Variants in TMEM232 observed in about 807,000 individuals in gnomAD.
The protein encoded by TMEM232 is transmembrane protein 232.
In TMEM232, 80 loss-of-function variants were observed where a neutral mutation model predicts 78.8. That is an observed-to-expected ratio of 1.01 (90% CI 0.85 to 1.22). The LOEUF is 1.22. TMEM232 is among the 50% of genes most tolerant of loss of function. The pLI is 0.00. For synonymous variants in TMEM232, 297 were observed against 254.3 expected (o/e 1.17, Z -1.60); for missense variants, 881 against 742.2 (o/e 1.19, Z -2.17).
intron 8 of TMEM232, 67 bp downstream of exon 8, chr5:110,618,362 G>C: frequency 1.3e-6 from 2 of 1,526,788 alleles, no homozygotes; most frequent in Non-Finnish European, 1.8e-6. Flanking sequence ...TAGGTACAAG[G>C]GTTATTTAAC....
chr5:110,481,594 C>G (rs995453600), intron 12 of TMEM232, among the ~76,000 whole-genome samples: 1 of 152,088 alleles, frequency 6.6e-6, no homozygotes, highest in Non-Finnish European at 1.5e-5. Flanking sequence ...ATTAAATGCT[C>G]ATCATGTGCA....
chr5:110,693,499 C>T (rs774721880), intron 1 of TMEM232, among the ~76,000 whole-genome samples: 14 of 152,120 alleles, frequency 9.2e-5, no homozygotes, highest in Non-Finnish European at 1.6e-4. Context: ...GAAGATCAAA[C>T]TACTCTGAGC....
intron 2 of TMEM232, among the ~76,000 whole-genome samples, chr5:110,662,950 A>T (rs1206870856): frequency 6.6e-6 from 1 of 152,124 alleles, no homozygotes; most frequent in African/African-American, 2.4e-5. Flanking sequence ...AAAAAGGCTA[A>T]TCATAAAAGA....
At chr5:110,594,824 G>C (rs1368406131) in intron 10 of TMEM232, among the ~76,000 whole-genome samples, 1 of 152,216 alleles carries the variant, frequency 6.6e-6, no homozygotes, top group Non-Finnish European at 1.5e-5. Flanking sequence ...CCCTGGGACA[G>C]AAAGGGTAGC....
At chr5:110,562,852 G>A (rs1405117502) in intron 11 of TMEM232, among the ~76,000 whole-genome samples, 3 of 151,850 alleles carry the variant, frequency 2.0e-5, no homozygotes, top group Admixed American at 6.6e-5. Context: ...TAAATTAAGT[G>A]ATTTTTTCAA....
At chr5:110,516,915 T>C (rs1018645893) in intron 12 of TMEM232, among the ~76,000 whole-genome samples, 3 of 152,204 alleles carry the variant, frequency 2.0e-5, no homozygotes, top group African/African-American at 4.8e-5. Flanking sequence ...TCCTCCTTTC[T>C]AGAAAATTTT....
chr5:110,470,798 C>A (rs985148438), intron 12 of TMEM232, among the ~76,000 whole-genome samples: 5 of 152,108 alleles, frequency 3.3e-5, no homozygotes, highest in Non-Finnish European at 5.9e-5. Flanking sequence ...ACCAGATGCA[C>A]AGACATCAAC....
intron 1 of TMEM232, among the ~76,000 whole-genome samples, chr5:110,676,848 T>A (rs1792093321): frequency 6.6e-6 from 1 of 151,972 alleles, no homozygotes; most frequent in African/African-American, 2.4e-5. Context: ...AACCTCCACC[T>A]CCCCGGTTCG....
chr5:110,453,133 T>C (rs903424184), intron 12 of TMEM232, among the ~76,000 whole-genome samples: 1 of 152,118 alleles, frequency 6.6e-6, no homozygotes, highest in Non-Finnish European at 1.5e-5. Flanking sequence ...AAAGAGAATG[T>C]TTATCTTAGA....
At chr5:110,521,982 C>T (rs970526235) in intron 12 of TMEM232, among the ~76,000 whole-genome samples, 1 of 152,054 alleles carries the variant, frequency 6.6e-6, no homozygotes, top group Admixed American at 6.6e-5. Flanking sequence ...ATTGTTATTT[C>T]TATTTATTTA....
At chr5:110,600,230 C>T (rs546188655) in intron 10 of TMEM232, among the ~76,000 whole-genome samples, 1 of 152,020 alleles carries the variant, frequency 6.6e-6, no homozygotes, top group Non-Finnish European at 1.5e-5. Flanking sequence ...AAAATCAACA[C>T]CCTAACATCA....
chr5:110,590,762 A>C (rs540633270), intron 10 of TMEM232, among the ~76,000 whole-genome samples: 31 of 152,332 alleles, frequency 2.0e-4, no homozygotes, highest in Admixed American at 2.0e-3. Context: ...GTTTTAATTG[A>C]CTTACAGTTC....
intron 12 of TMEM232, among the ~76,000 whole-genome samples, chr5:110,504,055 T>C (rs1297233894): frequency 6.6e-6 from 1 of 152,204 alleles, no homozygotes; most frequent in Non-Finnish European, 1.5e-5. Context: ...ATCAGCTAAT[T>C]TGTAAGCATG....
chr5:110,461,897 T>A (rs1372092157), intron 12 of TMEM232, among the ~76,000 whole-genome samples: 1 of 152,140 alleles, frequency 6.6e-6, no homozygotes, highest in Admixed American at 6.5e-5. Context: ...TAAAAAAAAA[T>A]GTATTTCAAA....
At chr5:110,631,587 T>C (rs183165859) in intron 5 of TMEM232, among the ~76,000 whole-genome samples, 1 of 152,302 alleles carries the variant, frequency 6.6e-6, no homozygotes, top group East Asian at 1.9e-4. Flanking sequence ...GTGAACCAGA[T>C]GGCACCTTGT....
chr5:110,539,179 C>A (rs567175118), intron 11 of TMEM232, among the ~76,000 whole-genome samples: 1 of 152,228 alleles, frequency 6.6e-6, no homozygotes, highest in African/African-American at 2.4e-5. Context: ...AATAGCAGTG[C>A]CAGTCAAAAT....
At chr5:110,655,776 A>C (rs1788952315) in intron 2 of TMEM232, among the ~76,000 whole-genome samples, 3 of 151,846 alleles carry the variant, frequency 2.0e-5, no homozygotes, top group Admixed American at 2.0e-4. Context: ...TGAAATTGGA[A>C]ATGATCATTC....
rs886507779 is a variant in TMEM232, at chr5:110,603,135, C to T, written c.1276+1974G>A. On this transcript the variant is annotated intron_variant, in intron 10 of 13. Coordinates refer to ENST00000455884, the MANE Select transcript of TMEM232 (RefSeq NM_001039763.4). ...GGAGGGGAATATCACACACCCGGGC[C>T]TGTCAGGGGTTGGGGGCAAGGGAAG... Among the ~76,000 whole-genome samples, 3 of 152,108 alleles carry T rather than the reference C, an allele frequency of 2.0e-5. No homozygotes were observed. The East Asian group carries it at 5.8e-4, about 29-fold the overall frequency.
chr5:110,574,950 G>C (rs10070957), intron 10 of TMEM232, among the ~76,000 whole-genome samples: 4,614 of 152,076 alleles, frequency 0.03, 108 homozygotes, highest in Middle Eastern at 0.041. Context: ...CTTGTAGTTG[G>C]TGTTAGAAGG....
Sources: allele counts gnomAD v4.1 joint callset (sites outside exome capture counted in the v4.1 genomes callset), GRCh38; gene constraint gnomAD v4.1.1; transcripts MANE v1.5; gene names NCBI Gene and HGNC (gene_info 2026-07-23, HGNC 2026-07-21).